Variants in HAL observed in about 807,000 individuals in gnomAD.
HAL encodes histidine ammonia-lyase, also known as histidase.
In HAL, 85 loss-of-function variants were observed where a neutral mutation model predicts 81.1. The observed-to-expected ratio is 1.05, with a 90% CI of 0.88 to 1.25. The LOEUF is 1.25. Ranked by LOEUF, HAL falls within the 50% of genes most tolerant of loss-of-function variation. The probability of loss-of-function intolerance (pLI) is 0.00; values close to 1 mark genes in which losing one functional copy is unlikely to be tolerated. For synonymous variants in HAL, 301 were observed against 309.2 expected, an observed-to-expected ratio of 0.97 and a Z score of 0.28; for missense variants, 798 against 836.6, an observed-to-expected ratio of 0.95 and a Z score of 0.57.
At position 95,987,068 on chromosome 12, in the gene HAL, AGT is replaced by A. The variant is rs758785259; in HGVS notation, c.1048_1049del (p.Thr350Ter). On this transcript the variant is annotated frameshift_variant and splice_region_variant, in exon 12 of 21. Transcript: ENST00000261208. LOFTEE classifies it high-confidence loss of function. ...VLKGTTKAFD[T>X]DIHALRPHRG... The stretch of plus-strand genomic sequence containing the variant: ...ACCAAAAGGAAGAACCCTGCTGACC[AGT>A]GTCAAAGGCTTTGGTGGTGCCCTTC... 10 of 1,612,076 alleles carry A rather than the reference AGT, an allele frequency of 6.2e-6. No homozygotes were observed. Among genetic ancestry groups the A allele is most frequent in the Non-Finnish European group, 8.5e-6 (10 of 1,178,566 alleles).
chr12:95,983,855 C>T, intron 15 of HAL, 56 bp downstream of exon 15: 1 of 928,070 alleles, frequency 1.1e-6, no homozygotes, highest in Non-Finnish European at 1.8e-6. Context: ...TCAGTAGATC[C>T]TAAAATTACC....
At chr12:95,975,820 A>G (rs1380087202) in intron 20 of HAL, among the ~76,000 whole-genome samples, 2 of 152,224 alleles carry the variant, frequency 1.3e-5, no homozygotes, top group Non-Finnish European at 2.9e-5. Flanking sequence ...ATTCTAGGGA[A>G]CATAACACCC....
chr12:95,988,570 G>GCAGGCATCTGACACACATA (rs1949926459), intron 10 of HAL, among the ~76,000 whole-genome samples: 1 of 152,122 alleles, frequency 6.6e-6, no homozygotes, highest in South Asian at 2.1e-4. Flanking sequence ...CTCCTGACAT[G>GCAGGCATCTGACACACATA]CAGGCATCTG....
At chr12:95,979,282 C>A (rs1383142456) in intron 17 of HAL, among the ~76,000 whole-genome samples, 2 of 152,100 alleles carry the variant, frequency 1.3e-5, no homozygotes, top group Non-Finnish European at 2.9e-5. Flanking sequence ...AGCAAGTAAG[C>A]AAATAGAAGA....
At chr12:95,989,268 C>T (rs1488986950) in intron 10 of HAL, among the ~76,000 whole-genome samples, 1 of 152,208 alleles carries the variant, frequency 6.6e-6, no homozygotes, top group Non-Finnish European at 1.5e-5. Context: ...TCACTGCAGC[C>T]TTGAACTCCT....
At chr12:95,986,190 A>G (rs1180214244) in intron 12 of HAL, 30 bp from the exon 13 acceptor site, 2 of 1,248,134 alleles carry the variant, frequency 1.6e-6, no homozygotes, top group East Asian at 4.6e-5. Context: ...AAAAGTCTGA[A>G]TAATTCCATT....
In HAL at chr12:95,974,099, C is replaced by T. The variant is rs973103343; in HGVS notation, c.*133G>A. ...ATAATACTGCCATCAGCCTAACCAA[C>T]GTAGGCTTTAGAAGAACTGAATGAT... On this transcript the variant is annotated 3_prime_UTR_variant, in exon 21 of 21. Coordinates refer to ENST00000261208, the MANE Select transcript of HAL (RefSeq NM_002108.4). 9 of 843,938 alleles carry T rather than the reference C, an allele frequency of 1.1e-5. No homozygotes were observed. Among genetic ancestry groups the T allele is most frequent in the Non-Finnish European group, 1.4e-5 (7 of 484,992 alleles). 52.3% of individuals were successfully genotyped at this position (843,938 alleles called of 1,614,324 possible). A position where few individuals can be genotyped will look rare whatever the true frequency, so the allele number is the denominator to read the frequency against.
chr12:95,994,191 A>C (rs1592851911), intron 4 of HAL, 27 bp from the exon 5 acceptor site: 1 of 1,501,448 alleles, frequency 6.7e-7, no homozygotes. Context: ...GATCTCAGTG[A>C]GTCTGAACAG....
chr12:95,978,245 G>A (rs1433212565), intron 17 of HAL, among the ~76,000 whole-genome samples, 167 bp from the exon 18 acceptor site: 2 of 86,410 alleles, frequency 2.3e-5, no homozygotes, highest in East Asian at 1.0e-3. Flanking sequence ...AAGGAAGCAG[G>A]TCATTTTTTT....
chr12:95,995,180 G>T, intron 2 of HAL, 187 bp from the exon 3 acceptor site: 4 of 655,004 alleles, frequency 6.1e-6, no homozygotes, highest in South Asian at 5.1e-5. Flanking sequence ...AGAAAGGTAG[G>T]TGTCAGGGCA....
At position 95,983,925 on chromosome 12, in the gene HAL, C is replaced by T. The variant is rs762115728; in HGVS notation, c.1273G>A (p.Ala425Thr). The change falls in exon 15 of 21, where the codon GCA becomes ACA. Residue 425 changes from alanine (A) to threonine (T), a missense_variant. Ala to Thr is a moderately conservative substitution (Grantham distance 58). Transcript: ENST00000261208. Reference protein sequence around the residue: ...KNIITTELNSATDNPMVFANR... With the variant: ...KNIITTELNSTTDNPMVFANR... The stretch of plus-strand genomic sequence containing the variant: ...TCAAAAGATACAGGATTATCTGTTG[C>T]GCTGTTCAGTTCTGTGGTAATGATG... The T allele has an allele frequency of 1.1e-5, 17 of 1,540,448 alleles. No individual in the cohort carries two copies. Among genetic ancestry groups the T allele is most frequent in the East Asian group, 9.0e-5 (4 of 44,508 alleles).
chr12:95,991,930 G>A (rs965199512), intron 9 of HAL, among the ~76,000 whole-genome samples: 4 of 152,152 alleles, frequency 2.6e-5, no homozygotes, highest in Admixed American at 6.6e-5. Context: ...TGCCACTTGC[G>A]TCCATAACAT....
Position 95,985,968 on chromosome 12 carries a change from T to G in HAL, c.1148-2A>C, listed in dbSNP as rs1208367025. 6.2e-7 allele frequency: 1 copy of G among 1,611,260 alleles called. No individual in the cohort carries two copies. The highest frequency in any genetic ancestry group is 1.3e-5 in the African/African-American group (1 of 74,918). On this transcript the variant is annotated splice_acceptor_variant, in intron 13 of 20. Coordinates refer to ENST00000261208, the MANE Select transcript of HAL (RefSeq NM_002108.4). LOFTEE classifies it high-confidence loss of function. Reference sequence around the variant, plus strand: ...CGCGATCACAGAACCTGTGACTCTCTGTGGAAGAGGTGGAGGGGATGAGAC... The same window carrying G: ...CGCGATCACAGAACCTGTGACTCTCGGTGGAAGAGGTGGAGGGGATGAGAC...
At chr12:95,994,757 C>A (rs778336340) in intron 4 of HAL, 41 bp downstream of exon 4, 2 of 1,592,680 alleles carry the variant, frequency 1.3e-6, no homozygotes, top group Non-Finnish European at 1.7e-6. Context: ...AAATAAGGGG[C>A]CTTAATTTTC....
intron 14 of HAL, among the ~76,000 whole-genome samples, chr12:95,985,242 T>C (rs1175288664): frequency 1.3e-5 from 2 of 152,196 alleles, no homozygotes; most frequent in African/African-American, 4.8e-5. Context: ...ACAACTCTAC[T>C]AACTGGTTAT....
chr12:95,976,679 C>A lies in HAL; in HGVS notation c.1682G>T (p.Cys561Phe). The A allele has an allele frequency of 6.2e-7, 1 of 1,612,420 alleles. No individual in the cohort carries two copies. The highest frequency in any genetic ancestry group is 8.5e-7 in the Non-Finnish European group (1 of 1,178,436). ...GGGACGTAGAAACTCTATGCCCTGG[C>A]AGGCTGCAAGGAGCTCGATGGCCAG... ...QVLAIELLAA[C>F]QGIEFLRPLK... The change falls in exon 19 of 21, where the codon TGC (cysteine) becomes TTC (phenylalanine). Residue 561 changes from cysteine to phenylalanine, a missense_variant. Coordinates refer to ENST00000261208, the MANE Select transcript of HAL (RefSeq NM_002108.4).
intron 9 of HAL, among the ~76,000 whole-genome samples, chr12:95,990,875 C>G (rs549568294): frequency 1.3e-5 from 2 of 152,074 alleles, no homozygotes; most frequent in African/African-American, 4.8e-5. Flanking sequence ...TTTGGGAGGC[C>G]GAGGCGGGCA....
intron 14 of HAL, 26 bp downstream of exon 14, chr12:95,985,882 G>A: frequency 6.6e-7 from 1 of 1,515,776 alleles, no homozygotes; most frequent in Non-Finnish European, 9.1e-7. Context: ...ATTTTTTATT[G>A]ACCTTTTTTT....
rs1275437351 is a variant in HAL, at chr12:95,978,125, C to T, written c.1520-47G>A. On this transcript the variant is annotated intron_variant, in intron 17 of 20. Coordinates refer to ENST00000261208, the MANE Select transcript of HAL (RefSeq NM_002108.4). Reference sequence around the variant, plus strand: ...TAAGAAGTGCTCCTCACAGGATGAGCTGTCTAAAGGACCCGTGGCTTCCAC... The same window carrying T: ...TAAGAAGTGCTCCTCACAGGATGAGTTGTCTAAAGGACCCGTGGCTTCCAC... 4.6e-6 allele frequency: 7 copies of T among 1,538,124 alleles called. No individual in the cohort carries two copies. The African/African-American group carries it at 5.5e-5, about 12-fold the overall frequency.
Sources: allele counts gnomAD v4.1 joint callset (sites outside exome capture counted in the v4.1 genomes callset), GRCh38; gene constraint gnomAD v4.1.1; transcripts MANE v1.5; gene names NCBI Gene and HGNC (gene_info 2026-07-23, HGNC 2026-07-21).